GRIK4: variants seen among roughly 807,000 people sequenced by gnomAD.
The protein encoded by GRIK4 is glutamate ionotropic receptor kainate type subunit 4.
Under a neutral mutation model 104.9 loss-of-function variants are expected in GRIK4, and 40 were observed. That is an observed-to-expected ratio of 0.38 (90% CI 0.30 to 0.50). The LOEUF is 0.50. Ranked by LOEUF, GRIK4 falls within the 20% of genes least tolerant of loss-of-function variation. The pLI is 0.93. For synonymous variants in GRIK4, 485 were observed against 524.9 expected (o/e 0.92, Z 1.04); for missense variants, 1,047 against 1,308.1 (o/e 0.80, Z 3.08).
At chr11:120,759,207 G>A (rs1247460310) in intron 3 of GRIK4, among the ~76,000 whole-genome samples, 2 of 152,234 alleles carry the variant, frequency 1.3e-5, no homozygotes, top group East Asian at 1.9e-4. Flanking sequence ...AGAGGGAACA[G>A]TATGTGCAAA....
chr11:120,784,089 T>C (rs565330354), intron 3 of GRIK4, among the ~76,000 whole-genome samples: 4 of 152,190 alleles, frequency 2.6e-5, no homozygotes, highest in Admixed American at 2.0e-4. Flanking sequence ...TTGATATTAA[T>C]ACATATCTCT....
At chr11:120,534,605 G>A (rs1162198337) in intron 1 of GRIK4, among the ~76,000 whole-genome samples, 2 of 152,170 alleles carry the variant, frequency 1.3e-5, no homozygotes, top group East Asian at 3.8e-4. Context: ...GTAGAATGGG[G>A]GATAGTCCAT....
At chr11:120,808,760 C>T (rs758854143) in intron 4 of GRIK4, among the ~76,000 whole-genome samples, 6 of 152,206 alleles carry the variant, frequency 3.9e-5, no homozygotes, top group Non-Finnish European at 8.8e-5. Context: ...ATGGCCAGGG[C>T]TTCACGTGTA....
intron 8 of GRIK4, among the ~76,000 whole-genome samples, chr11:120,861,369 A>G (rs1397558730): frequency 1.3e-5 from 2 of 151,878 alleles, no homozygotes; most frequent in Non-Finnish European, 2.9e-5. Flanking sequence ...CGGCCTCCCA[A>G]AGTGCTGGGA....
chr11:120,634,055 CA>C (rs1000190953), intron 1 of GRIK4, among the ~76,000 whole-genome samples: 64 of 152,302 alleles, frequency 4.2e-4, no homozygotes, highest in African/African-American at 1.5e-3. Flanking sequence ...AACGTTAGAG[CA>C]GCGGCTGCAC....
chr11:120,943,023 C>CA (rs1424476258), intron 14 of GRIK4, among the ~76,000 whole-genome samples: 1 of 151,846 alleles, frequency 6.6e-6, no homozygotes, highest in Non-Finnish European at 1.5e-5. Flanking sequence ...GCCTTTTGGA[C>CA]TTATTAGCCC....
chr11:120,629,943 C>G (rs1226234864), intron 1 of GRIK4, among the ~76,000 whole-genome samples: 1 of 152,166 alleles, frequency 6.6e-6, no homozygotes, highest in African/African-American at 2.4e-5. Context: ...ATTGCACTGG[C>G]AGTTGGGCTG....
chr11:120,754,291 C>T (rs1041661590), intron 3 of GRIK4, among the ~76,000 whole-genome samples: 1 of 152,300 alleles, frequency 6.6e-6, no homozygotes, highest in African/African-American at 2.4e-5. Flanking sequence ...GGATTATAGG[C>T]GTGAAGCACT....
intron 3 of GRIK4, among the ~76,000 whole-genome samples, chr11:120,790,232 T>G (rs994218627): frequency 2.0e-5 from 3 of 152,202 alleles, no homozygotes; most frequent in Non-Finnish European, 4.4e-5. Flanking sequence ...GTGCCTTGCT[T>G]AAGATAGGTG....
intron 1 of GRIK4, among the ~76,000 whole-genome samples, chr11:120,526,668 C>G (rs1947861151): frequency 6.6e-6 from 1 of 152,098 alleles, no homozygotes; most frequent in Non-Finnish European, 1.5e-5. Flanking sequence ...CCCCATCTCC[C>G]CTAAAAATAC....
At chr11:120,696,793 G>A (rs937495551) in intron 3 of GRIK4, among the ~76,000 whole-genome samples, 5 of 152,008 alleles carry the variant, frequency 3.3e-5, no homozygotes, top group African/African-American at 9.7e-5. Context: ...CAATGGGAGC[G>A]CCCCCTAGAG....
intron 8 of GRIK4, among the ~76,000 whole-genome samples, chr11:120,856,271 T>C (rs1954102795): frequency 6.6e-6 from 1 of 152,230 alleles, no homozygotes; most frequent in Non-Finnish European, 1.5e-5. Context: ...ATTTCAAAAC[T>C]TGTGCTCTTT....
intron 1 of GRIK4, among the ~76,000 whole-genome samples, chr11:120,597,355 A>G (rs1402308898): frequency 2.0e-5 from 3 of 152,148 alleles, no homozygotes; most frequent in Admixed American, 2.0e-4. Flanking sequence ...GAGATCATGT[A>G]TGCAAAGCAC....
intron 3 of GRIK4, among the ~76,000 whole-genome samples, chr11:120,748,212 C>G (rs1190539692): frequency 1.3e-5 from 2 of 152,082 alleles, no homozygotes; most frequent in Non-Finnish European, 2.9e-5. Context: ...TGCGTCCCTC[C>G]TCCTCTAGCA....
chr11:120,611,784 G>A (rs60787798), intron 1 of GRIK4, among the ~76,000 whole-genome samples: 3 of 151,932 alleles, frequency 2.0e-5, no homozygotes, highest in Non-Finnish European at 2.9e-5. Context: ...CCCTTCCCCC[G>A]CAGCATCAGT....
chr11:120,790,709 G>A (rs948573684), intron 3 of GRIK4, among the ~76,000 whole-genome samples: 1 of 152,176 alleles, frequency 6.6e-6, no homozygotes, highest in African/African-American at 2.4e-5. Flanking sequence ...AAGAGAGACT[G>A]GAGGCAGAAG....
At chr11:120,825,824 A>G (rs958183484) in intron 6 of GRIK4, among the ~76,000 whole-genome samples, 4 of 152,216 alleles carry the variant, frequency 2.6e-5, no homozygotes, top group African/African-American at 7.2e-5. Flanking sequence ...ACGATACCAC[A>G]TTTAATTACT....
At chr11:120,801,092 C>T (rs1952612831) in intron 3 of GRIK4, among the ~76,000 whole-genome samples, 1 of 152,218 alleles carries the variant, frequency 6.6e-6, no homozygotes, top group Non-Finnish European at 1.5e-5. Flanking sequence ...GCAGACACTC[C>T]TCATTTCTCC....
chr11:120,983,337 C>T (rs1008966), intron 20 of GRIK4, among the ~76,000 whole-genome samples: 54,019 of 151,994 alleles, frequency 0.36, 10,135 homozygotes, highest in Admixed American at 0.44. Context: ...GAATCTCAGT[C>T]TCCATCACCT....
Sources: allele counts gnomAD v4.1 joint callset (sites outside exome capture counted in the v4.1 genomes callset), GRCh38; gene constraint gnomAD v4.1.1; transcripts MANE v1.5; gene names NCBI Gene and HGNC (gene_info 2026-07-23, HGNC 2026-07-21).